The following NKD2 variants were observed in gnomAD, a reference collection of about 807,000 sequenced individuals.
NKD2 encodes the protein protein naked cuticle homolog 2.
Under a neutral mutation model 34.8 loss-of-function variants are expected in NKD2, and 43 were observed. The observed-to-expected ratio is 1.24, with a 90% CI of 0.97 to 1.60. NKD2 has a LOEUF of 1.60. Ranked by LOEUF, NKD2 falls within the 40% of genes most tolerant of loss-of-function variation. The pLI is 0.00. For missense variants in NKD2, 675 were observed against 627.1 expected, an observed-to-expected ratio of 1.08 and a Z score of -0.82; for synonymous variants, 278 against 265.1, an observed-to-expected ratio of 1.05 and a Z score of -0.47.
At position 1,034,838 on chromosome 5, in the gene NKD2, G is replaced by A. The variant is rs770781563; in HGVS notation, c.509G>A (p.Arg170His). 43 of 1,612,702 alleles carry A rather than the reference G, an allele frequency of 2.7e-5. No homozygotes were observed. Among genetic ancestry groups the A allele is most frequent in the Non-Finnish European group, 3.1e-5 (36 of 1,179,962 alleles). The change falls in exon 7 of 10, where the codon CGT becomes CAT. Residue 170 changes from arginine (R) to histidine (H), a missense_variant. By Grantham distance (29) the Arg-to-His change is conservative. Coordinates refer to ENST00000296849, the MANE Select transcript of NKD2 (RefSeq NM_033120.4). ...NHSSGSSKTL[R>H]VKLTVSPEPS... ...TCCTCGGGCAGCAGCAAGACCCTCCGTGTGAAGCTAACCGTCAGCCCTGAG... is the reference window on the plus strand; with the variant it reads ...TCCTCGGGCAGCAGCAAGACCCTCCATGTGAAGCTAACCGTCAGCCCTGAG...
chr5:1,037,494 GCTTT>G, intron 9 of NKD2: 1 of 1,532,074 alleles, frequency 6.5e-7, no homozygotes, highest in South Asian at 1.2e-5. Flanking sequence ...ATATAACCTG[GCTTT>G]CTGCCACGGC....
rs1261558654 is a variant in NKD2 at position 1,009,594 on chromosome 5, C to T, written c.141+34C>T. ...CGGGGCGGAGGCTGGGGTCGCGCTG[C>T]GCACCCGCCCGGGGGCGGGGAGCGG... is the stretch of plus-strand genomic sequence containing the variant. On this transcript the variant is annotated intron_variant, in intron 3 of 9. Coordinates refer to ENST00000296849, the MANE Select transcript of NKD2 (RefSeq NM_033120.4). This position sits in a 1 kb window ranked among gnomAD's most constrained non-coding sequence, Gnocchi z 6.9. The T allele has an allele frequency of 2.9e-6, 4 of 1,398,760 alleles. No homozygotes were observed. The highest frequency in any genetic ancestry group is 3.5e-5 in the Admixed American group (1 of 28,712). The allele number at this position is 1,398,760 out of a possible 1,614,324, so 86.6% of individuals were successfully genotyped here.
At chr5:1,019,992 G>A (rs746322734) in intron 3 of NKD2, among the ~76,000 whole-genome samples, 29 of 152,280 alleles carry the variant, frequency 1.9e-4, no homozygotes, top group South Asian at 4.1e-4. Context: ...CAGGGCCCGA[G>A]TCGTGGTTTT....
At chr5:1,012,356 T>G (rs1755786776) in intron 3 of NKD2, among the ~76,000 whole-genome samples, 2 of 152,246 alleles carry the variant, frequency 1.3e-5, no homozygotes, top group Non-Finnish European at 2.9e-5. Flanking sequence ...GGCCCTGGCC[T>G]GCACGGGGGG....
intron 3 of NKD2, among the ~76,000 whole-genome samples, chr5:1,029,221 A>C (rs1560994007): frequency 6.6e-6 from 1 of 152,168 alleles, no homozygotes; most frequent in Non-Finnish European, 1.5e-5. Flanking sequence ...TAGAAAAAAC[A>C]CTGTGCGTTC....
chr5:1,028,001 A>G (rs1288711851), intron 3 of NKD2, among the ~76,000 whole-genome samples: 1 of 152,074 alleles, frequency 6.6e-6, no homozygotes, highest in Non-Finnish European at 1.5e-5. Context: ...GGCGCTGCCG[A>G]GCGCTGGCAC....
chr5:1,035,009 T>C, intron 7 of NKD2, 106 bp downstream of exon 7: 1 of 1,062,754 alleles, frequency 9.4e-7, no homozygotes, highest in East Asian at 2.6e-5. Flanking sequence ...GAGGAGTGAG[T>C]GGGTGAATGG....
rs1228277204 is a variant in NKD2 at position 1,035,411 on chromosome 5, G to T, written c.597G>T (p.Arg199Ser). ...AGQDREPTRCRMEGELAEEPR... is the reference protein window; with the variant it reads ...AGQDREPTRCSMEGELAEEPR... ...CAGACCGGGAGCCCACCCGTTGCAG[G>T]ATGGAGGGTGAACTGGCAGAGGAGC... is the stretch of plus-strand genomic sequence containing the variant. Residue 199 changes from arginine to serine, a missense_variant, in exon 8 of 10, where the codon AGG becomes AGT. Arg to Ser is a moderately radical substitution (Grantham distance 110). Transcript: ENST00000296849. 6.4e-7 allele frequency: 1 copy of T among 1,559,510 alleles called. No homozygotes were observed. Among genetic ancestry groups the T allele is most frequent in the Admixed American group, 1.9e-5 (1 of 52,326 alleles).
intron 3 of NKD2, among the ~76,000 whole-genome samples, chr5:1,018,003 G>A (rs546244960): frequency 1.3e-5 from 2 of 152,168 alleles, no homozygotes; most frequent in South Asian, 2.1e-4. Context: ...TGGTGAGGAG[G>A]CATGGAGGAA....
At position 1,038,160 on chromosome 5, in the gene NKD2, C is replaced by T. The variant is rs1230996101; in HGVS notation, c.1143C>T (p.Gly381=). Residue 381 remains glycine, a synonymous_variant, in exon 10 of 10, where the codon GGC becomes GGT. Coordinates refer to ENST00000296849, the MANE Select transcript of NKD2 (RefSeq NM_033120.4). The surrounding 1 kb of genome is among the most constrained non-coding windows in gnomAD (Gnocchi z 4.5). ...HLPQPPPPPY[G]HKRYRQKGRE... is the part of the protein sequence containing the mutation. ...CGCAGCCCCCACCGCCACCCTACGG[C>T]CACAAGCGGTACCGCCAAAAGGGCA... 4 of 1,586,346 alleles carry T rather than the reference C, an allele frequency of 2.5e-6. No homozygotes were observed. The highest frequency in any genetic ancestry group is 2.6e-6 in the Non-Finnish European group (3 of 1,168,514).
chr5:1,027,569 G>T (rs547397978), intron 3 of NKD2, among the ~76,000 whole-genome samples: 1 of 152,318 alleles, frequency 6.6e-6, no homozygotes, highest in South Asian at 2.1e-4. Context: ...GGGCTCCAGG[G>T]GATGCTCCCA....
In NKD2 at chr5:1,037,989, G is replaced by C; in HGVS notation, c.972G>C (p.Lys324Asn). 6.2e-7 allele frequency: 1 copy of C among 1,606,400 alleles called. No individual in the cohort carries two copies. The highest frequency in any genetic ancestry group is 8.5e-7 in the Non-Finnish European group (1 of 1,178,032). ...ARALDTQPRP[K>N]GPEKQFLKSP... ...CCCTGGACACGCAGCCCCGGCCGAAGGGGCCGGAGAAGCAGTTCCTCAAGT... is the reference window on the plus strand; with the variant it reads ...CCCTGGACACGCAGCCCCGGCCGAACGGGCCGGAGAAGCAGTTCCTCAAGT... The change falls in exon 10 of 10, where the codon AAG becomes AAC. Residue 324 changes from lysine to asparagine, a missense_variant. By Grantham distance (94) the Lys-to-Asn change is moderately conservative. Transcript: ENST00000296849.
intron 3 of NKD2, among the ~76,000 whole-genome samples, chr5:1,028,205 CTG>C (rs1203887184): frequency 6.6e-6 from 1 of 152,172 alleles, no homozygotes; most frequent in Non-Finnish European, 1.5e-5. Context: ...GATGTCCTCA[CTG>C]TCGTGGCGGG....
chr5:1,008,934 C>T lies in NKD2; in HGVS notation c.-124C>T. The stretch of plus-strand genomic sequence containing the variant: ...CCCCCGCGCGGCGTGGAGCCATCTT[C>T]CCTCACCTCCTACCGGCACCCTAGC... On this transcript the variant is annotated 5_prime_UTR_variant, in exon 1 of 10. Coordinates refer to ENST00000296849, the MANE Select transcript of NKD2 (RefSeq NM_033120.4). The T allele has an allele frequency of 2.6e-6, 1 of 391,762 alleles. No homozygotes were observed. The highest frequency in any genetic ancestry group is 3.7e-5 in the East Asian group (1 of 26,948). The allele number at this position is 391,762 out of a possible 1,614,324, so 24.3% of individuals were successfully genotyped here.
intron 5 of NKD2, 84 bp downstream of exon 5, chr5:1,033,583 G>A (rs866469868): frequency 3.5e-6 from 5 of 1,437,724 alleles, no homozygotes; most frequent in Admixed American, 4.6e-5. Flanking sequence ...CCTAAACTGG[G>A]CATCTGTGGA....
chr5:1,017,187 G>A (rs972310027), intron 3 of NKD2, among the ~76,000 whole-genome samples: 5 of 152,092 alleles, frequency 3.3e-5, no homozygotes, highest in African/African-American at 7.2e-5. Flanking sequence ...CCCCGGGGAC[G>A]TGGGTAGCTT....
At chr5:1,016,432 G>GGA (rs1337798620) in intron 3 of NKD2, among the ~76,000 whole-genome samples, 1 of 152,250 alleles carries the variant, frequency 6.6e-6, no homozygotes, top group Non-Finnish European at 1.5e-5. Context: ...AGCTGGAGGG[G>GGA]GAGGGTTTGT....
chr5:1,013,850 A>C (rs1579246448), intron 3 of NKD2, among the ~76,000 whole-genome samples: 1 of 152,152 alleles, frequency 6.6e-6, no homozygotes, highest in South Asian at 2.1e-4. Context: ...GCAGATGTGC[A>C]TTCTCAGTGT....
intron 3 of NKD2, among the ~76,000 whole-genome samples, chr5:1,012,219 A>T (rs1755778464): frequency 6.6e-6 from 1 of 152,252 alleles, no homozygotes; most frequent in African/African-American, 2.4e-5. Flanking sequence ...GTTAACTGGA[A>T]TGTTGTTGTG....
Sources: allele counts gnomAD v4.1 joint callset (sites outside exome capture counted in the v4.1 genomes callset), GRCh38; gene constraint gnomAD v4.1.1; non-coding constraint Gnocchi (gnomAD v3.1); transcripts MANE v1.5; gene names NCBI Gene and HGNC (gene_info 2026-07-23, HGNC 2026-07-21).